The following L3MBTL1 variants were observed in gnomAD, a reference collection of about 807,000 sequenced individuals.
L3MBTL1 encodes the protein lethal(3)malignant brain tumor-like protein 1.
In L3MBTL1, 75 loss-of-function variants were observed where a neutral mutation model predicts 105.3. The ratio of observed to expected loss-of-function variants is 0.71; its 90% CI spans 0.59 to 0.86. The LOEUF (loss-of-function observed/expected upper bound fraction) is 0.86, where lower values mean the gene tolerates loss of function less well. L3MBTL1 is among the 40% of genes least tolerant of loss of function. The probability of loss-of-function intolerance (pLI) is 0.00; values close to 1 mark genes in which losing one functional copy is unlikely to be tolerated. For synonymous variants in L3MBTL1, 452 were observed against 436.2 expected (o/e 1.04, Z -0.45); for missense variants, 1,069 against 1,126.4 (o/e 0.95, Z 0.73).
intron 7 of L3MBTL1, among the ~76,000 whole-genome samples, chr20:43,522,857 C>A (rs2087914074): frequency 6.9e-6 from 1 of 145,244 alleles, no homozygotes; most frequent in African/African-American, 2.6e-5. Context: ...AATCCCAGCA[C>A]TTTAGTAGGC....
intron 16 of L3MBTL1, among the ~76,000 whole-genome samples, chr20:43,535,334 G>C (rs770029535): frequency 2.0e-5 from 3 of 152,168 alleles, no homozygotes; most frequent in Admixed American, 2.0e-4. Flanking sequence ...TAGAGTTCAG[G>C]TCACTGGGCT....
At position 43,534,880 on chromosome 20, in the gene L3MBTL1, A is replaced by AC; in HGVS notation, c.1766dup (p.Asp590ArgfsTer38). The AC allele has an allele frequency of 6.2e-7, 1 of 1,609,606 alleles. No individual in the cohort carries two copies. The highest frequency in any genetic ancestry group is 8.5e-7 in the Non-Finnish European group (1 of 1,179,626). On this transcript the variant is annotated frameshift_variant, in exon 16 of 22. Coordinates refer to ENST00000418998, the MANE Select transcript of L3MBTL1 (RefSeq NM_001377303.1). LOFTEE classifies it high-confidence loss of function. ...TATGATTTCTGGATCGACGCTGACC[A>AC]CCCAGACATCCACCCTGCCGGCTGG...
intron 19 of L3MBTL1, 41 bp downstream of exon 19, chr20:43,536,499 G>A (rs1275323801): frequency 2.5e-6 from 4 of 1,604,944 alleles, no homozygotes; most frequent in Non-Finnish European, 3.4e-6. Flanking sequence ...CCACCACAGA[G>A]TGTTCACAGC....
chr20:43,547,160 A>G (rs1978661887), intron 18 of L3MBTL1, among the ~76,000 whole-genome samples: 2 of 137,884 alleles, frequency 1.5e-5, no homozygotes, highest in Admixed American at 8.1e-5. Flanking sequence ...GCTGGAGTGC[A>G]GTGGCGCGAT....
chr20:43,520,209 A>G (rs1161701439), intron 7 of L3MBTL1, among the ~76,000 whole-genome samples: 1 of 152,180 alleles, frequency 6.6e-6, no homozygotes, highest in Non-Finnish European at 1.5e-5. Flanking sequence ...AATGTTTTCA[A>G]GGTTTACATA....
At chr20:43,534,565 C>A in intron 15 of L3MBTL1, 171 bp downstream of exon 15, 1 of 632,808 alleles carries the variant, frequency 1.6e-6, no homozygotes, top group Non-Finnish European at 2.8e-6. Context: ...AAGTCATTTT[C>A]CCTCTCTAAG....
chr20:43,508,351 G>C (rs970617196), intron 1 of L3MBTL1, among the ~76,000 whole-genome samples: 2 of 152,180 alleles, frequency 1.3e-5, no homozygotes, highest in African/African-American at 4.8e-5. Flanking sequence ...TCCCGATCCT[G>C]GAACCCTGCG....
intron 7 of L3MBTL1, among the ~76,000 whole-genome samples, chr20:43,521,233 A>G (rs975623074): frequency 2.0e-5 from 3 of 152,346 alleles, no homozygotes; most frequent in Admixed American, 2.0e-4. Flanking sequence ...ACATAGTGGT[A>G]CCCTGATGAC....
chr20:43,530,218 G>A, intron 9 of L3MBTL1, 66 bp from the exon 10 acceptor site: 1 of 1,604,146 alleles, frequency 6.2e-7, no homozygotes. Context: ...GGCCAGGAGA[G>A]GTGAGGCAGA....
Position 43,530,822 on chromosome 20 carries a change from G to A in L3MBTL1, c.1217G>A (p.Trp406Ter), listed in dbSNP as rs200649862. Residue 406 changes from tryptophan (W) to a stop codon, truncating the protein, a stop_gained, in exon 11 of 22, where the codon TGG becomes TAG. Coordinates refer to ENST00000418998, the MANE Select transcript of L3MBTL1 (RefSeq NM_001377303.1). LOFTEE classifies it high-confidence loss of function. The part of the protein sequence containing the change: ...PKGYKEEEFS[W>*]SQYLRSTRAQ... ...GGTTACAAGGAGGAGGAGTTCAGCTGGAGCCAGTACCTGCGCAGCACAAGA... is the reference window on the plus strand; with the variant it reads ...GGTTACAAGGAGGAGGAGTTCAGCTAGAGCCAGTACCTGCGCAGCACAAGA... 2.9e-4 allele frequency: 461 copies of A among 1,614,064 alleles called. 1 individual carries two copies. Among genetic ancestry groups the A allele is most frequent in the South Asian group, 8.6e-4 (78 of 91,088 alleles).
intron 19 of L3MBTL1, chr20:43,539,914 G>A: frequency 1.6e-6 from 1 of 608,272 alleles, no homozygotes; most frequent in South Asian, 1.8e-5. Flanking sequence ...CGGGGTGAGG[G>A]TCATTCCGAA....
chr20:43,533,922 C>T (rs1482318628), intron 13 of L3MBTL1, 86 bp from the exon 14 acceptor site: 4 of 937,632 alleles, frequency 4.3e-6, no homozygotes, highest in Non-Finnish European at 3.5e-6. Context: ...GCTTCTGTCC[C>T]TTCCATGTTC....
In L3MBTL1 at chr20:43,515,286, C is replaced by T; in HGVS notation, c.654-6C>T. On this transcript the variant is annotated splice_polypyrimidine_tract_variant and splice_region_variant and intron_variant, in intron 5 of 21. Transcript: ENST00000418998. Reference sequence around the variant, plus strand: ...GGTTCTTTCCCTAAGGCTGGCCCTTCCTCAGGTCAGTCATAGTGGAGAACT... The same window carrying T: ...GGTTCTTTCCCTAAGGCTGGCCCTTTCTCAGGTCAGTCATAGTGGAGAACT... The T allele has an allele frequency of 6.2e-7, 1 of 1,608,514 alleles. No individual in the cohort carries two copies. Among genetic ancestry groups the T allele is most frequent in the Admixed American group, 1.7e-5 (1 of 59,088 alleles).
rs1176856356 is a variant in L3MBTL1 at position 43,522,457 on chromosome 20, G to GTTTTTTTTTTTTTTTTTTTTTTTTTTTTT, written c.863-6197_863-6169dup. On this transcript the variant is annotated intron_variant, in intron 7 of 21. Coordinates refer to ENST00000418998, the MANE Select transcript of L3MBTL1 (RefSeq NM_001377303.1). ...TGGTAACTGAATTTTTCCCTGCTAA[G>GTTTTTTTTTTTTTTTTTTTTTTTTTTTTT]TTTTTTTTTTTTTTTTTTTTTTTTT... Among the ~76,000 whole-genome samples the GTTTTTTTTTTTTTTTTTTTTTTTTTTTTT allele has an allele frequency of 8.3e-5, 8 of 95,894 alleles. 2 individuals carry two copies. Among genetic ancestry groups the GTTTTTTTTTTTTTTTTTTTTTTTTTTTTT allele is most frequent in the Admixed American group, 2.8e-4 (2 of 7,144 alleles). 62.9% of individuals were successfully genotyped at this position (95,894 alleles called of 152,430 possible).
chr20:43,535,989 A>G, intron 17 of L3MBTL1, 53 bp downstream of exon 17: 1 of 1,588,980 alleles, frequency 6.3e-7, no homozygotes, highest in African/African-American at 1.3e-5. Context: ...CACTTACTGC[A>G]TGCAGGCGAC....
chr20:43,511,801 T>C (rs1056205127), intron 1 of L3MBTL1, among the ~76,000 whole-genome samples: 1 of 137,514 alleles, frequency 7.3e-6, no homozygotes, highest in African/African-American at 2.8e-5. Flanking sequence ...AAAAAAAAAA[T>C]TGGTAAAGAA....
intron 16 of L3MBTL1, among the ~76,000 whole-genome samples, chr20:43,535,322 G>T (rs2019551464): frequency 6.6e-6 from 1 of 152,170 alleles, no homozygotes; most frequent in Non-Finnish European, 1.5e-5. Flanking sequence ...GCAGGCAGGG[G>T]TTAGAGTTCA....
chr20:43,514,599 C>A, intron 3 of L3MBTL1, 36 bp from the exon 4 acceptor site: 1 of 1,599,132 alleles, frequency 6.3e-7, no homozygotes, highest in Non-Finnish European at 8.5e-7. Context: ...AGGACCCGTA[C>A]GGGAGTCGCA....
At chr20:43,548,483 G>A (rs2145510215) in exon 19 of L3MBTL1, 1 of 262,594 alleles carries the variant, frequency 3.8e-6, no homozygotes, top group Non-Finnish European at 7.6e-6. Flanking sequence ...GTGACTGGCA[G>A]GGGCATTACT....
Sources: gnomAD v4.1 joint callset for allele counts (sites outside exome capture counted in the v4.1 genomes callset) on GRCh38, gnomAD v4.1.1 for gene constraint, MANE v1.5 for transcripts, NCBI Gene and HGNC (gene_info 2026-07-23, HGNC 2026-07-21) for gene names.